EVC2: variants seen among roughly 807,000 people sequenced by gnomAD.
EVC2 encodes the protein EvC ciliary complex subunit 2, also known as limbin.
In EVC2, 148 loss-of-function variants were observed where a neutral mutation model predicts 149.3. The ratio of observed to expected loss-of-function variants is 0.99; its 90% CI spans 0.87 to 1.14. The LOEUF (loss-of-function observed/expected upper bound fraction) is 1.14, where lower values mean the gene tolerates loss of function less well. Ranked by LOEUF, EVC2 falls within the 50% of genes most tolerant of loss-of-function variation. The probability of loss-of-function intolerance (pLI) is 0.00; values close to 1 mark genes in which losing one functional copy is unlikely to be tolerated. For synonymous variants in EVC2, 776 were observed against 649.9 expected, an observed-to-expected ratio of 1.19 and a Z score of -2.95; for missense variants, 1,854 against 1,627.3, an observed-to-expected ratio of 1.14 and a Z score of -2.40.
At chr4:5,574,908 G>T in intron 18 of EVC2, 136 bp from the exon 19 acceptor site, 2 of 930,900 alleles carry the variant, frequency 2.1e-6, no homozygotes, top group South Asian at 1.4e-5. Context: ...GAAAGAGATG[G>T]CCAGAAAGAC....
chr4:5,615,794 C>T (rs1715203451), intron 15 of EVC2, among the ~76,000 whole-genome samples: 1 of 152,204 alleles, frequency 6.6e-6, no homozygotes, highest in South Asian at 2.1e-4. Context: ...CTGGGCAGAA[C>T]CTCAGCTCTG....
rs529522904 is a variant in EVC2 at position 5,640,375 on chromosome 4, T to C, written c.1470+139A>G. 41 of 985,682 alleles carry C rather than the reference T, an allele frequency of 4.2e-5. No homozygotes were observed. The highest frequency in any genetic ancestry group is 2.1e-4 in the African/African-American group (13 of 62,438). The allele number at this position is 985,682 out of a possible 1,614,324, so 61.1% of individuals were successfully genotyped here. ...TTGGATGAATGAATGGAAGGATGAA[T>C]AGATGAATGAGTGGGTGGTTGGATG... On this transcript the variant is annotated intron_variant, in intron 10 of 21. Transcript: ENST00000344408. This position sits in a 1 kb window ranked among gnomAD's most constrained non-coding sequence, Gnocchi z 4.6.
At chr4:5,586,408 C>A (rs371403466) in intron 16 of EVC2, among the ~76,000 whole-genome samples, 4 of 151,948 alleles carry the variant, frequency 2.6e-5, no homozygotes, top group South Asian at 2.1e-4. Flanking sequence ...AATTCTAAGC[C>A]CCCCCTCAAC....
intron 21 of EVC2, among the ~76,000 whole-genome samples, chr4:5,550,360 A>G (rs1721712380): frequency 6.6e-6 from 1 of 152,184 alleles, no homozygotes; most frequent in Non-Finnish European, 1.5e-5. Flanking sequence ...GGAGATGAGG[A>G]ACCTGTTGGG....
chr4:5,674,371 G>C (rs1277492142), intron 7 of EVC2, among the ~76,000 whole-genome samples: 1 of 152,200 alleles, frequency 6.6e-6, no homozygotes, highest in Non-Finnish European at 1.5e-5. Flanking sequence ...AGTTCCCAGA[G>C]CCTCCCTGGA....
In EVC2 at chr4:5,622,518, G is replaced by A. The variant is rs745337572; in HGVS notation, c.2501+19C>T. On this transcript the variant is annotated intron_variant, in intron 14 of 21. Coordinates refer to ENST00000344408, the MANE Select transcript of EVC2 (RefSeq NM_147127.5). The surrounding 1 kb of genome is among the most constrained non-coding windows in gnomAD (Gnocchi z 5.8). The stretch of plus-strand genomic sequence containing the variant: ...CAACGGGATGGGGAGGGGTGATTAC[G>A]ACCCGCAAAGGCACTCACATGAAGA... 25 of 1,611,084 alleles carry A rather than the reference G, an allele frequency of 1.6e-5. No homozygotes were observed. The highest frequency in any genetic ancestry group is 2.2e-5 in the South Asian group (2 of 90,264).
At chr4:5,549,856 T>C (rs781044794) in intron 21 of EVC2, among the ~76,000 whole-genome samples, 2 of 152,200 alleles carry the variant, frequency 1.3e-5, no homozygotes, top group Non-Finnish European at 2.9e-5. Context: ...TGGGAGGTAA[T>C]TGAATCATGG....
At chr4:5,641,759 C>T (rs1159478653) in intron 9 of EVC2, among the ~76,000 whole-genome samples, 1 of 152,112 alleles carries the variant, frequency 6.6e-6, no homozygotes, top group Admixed American at 6.5e-5. Context: ...CTAATGAAGG[C>T]ATTTAGTTAT....
intron 7 of EVC2, among the ~76,000 whole-genome samples, chr4:5,668,041 G>A (rs1047766366): frequency 2.0e-5 from 3 of 152,298 alleles, no homozygotes; most frequent in Middle Eastern, 3.4e-3. Flanking sequence ...ACAATGGAAA[G>A]CATATTATAC....
In EVC2 at chr4:5,568,539, C is replaced by CTGAGGCTG. The variant is rs1722451930; in HGVS notation, c.3454_3461dup (p.Gln1154HisfsTer45). 3 of 1,601,978 alleles carry CTGAGGCTG rather than the reference C, an allele frequency of 1.9e-6. No homozygotes were observed. Among genetic ancestry groups the CTGAGGCTG allele is most frequent in the Non-Finnish European group, 2.5e-6 (3 of 1,178,360 alleles). On this transcript the variant is annotated frameshift_variant, in exon 20 of 22. Transcript: ENST00000344408. LOFTEE classifies it high-confidence loss of function. ...TGGCCGAATCCAGCAGGGCCAGCAG[C>CTGAGGCTG]TGAGGCTGTGAGGCTGTGGGCAGTA... is the stretch of plus-strand genomic sequence containing the variant.
Sources: allele counts gnomAD v4.1 joint callset (sites outside exome capture counted in the v4.1 genomes callset), GRCh38; gene constraint gnomAD v4.1.1; non-coding constraint Gnocchi (gnomAD v3.1); transcripts MANE v1.5; gene names NCBI Gene and HGNC (gene_info 2026-07-23, HGNC 2026-07-21).